The following FREM2 variants were observed in gnomAD, a reference collection of about 807,000 sequenced individuals.
FREM2 encodes the protein FRAS1-related extracellular matrix protein 2.
Under a neutral mutation model 219.9 loss-of-function variants are expected in FREM2, and 119 were observed. The observed-to-expected ratio is 0.54, with a 90% CI of 0.47 to 0.63. FREM2 has a LOEUF of 0.63. Among genes scored for constraint, FREM2 ranks in the 30% least tolerant of loss-of-function variants. The pLI, the probability that FREM2 is intolerant of heterozygous loss-of-function variation, is 0.00. For missense variants in FREM2, 4,030 were observed against 3,993.6 expected (o/e 1.01, Z -0.25); for synonymous variants, 1,562 against 1,522.8 (o/e 1.03, Z -0.60).
intron 23 of FREM2, 96 bp from the exon 24 acceptor site, chr13:38,880,188 A>C (rs935783681): frequency 7.9e-7 from 1 of 1,265,218 alleles, no homozygotes; most frequent in African/African-American, 1.5e-5. Context: ...AAAATCATTT[A>C]TTAATATCTC....
chr13:38,879,490 A>G (rs1878467836), intron 23 of FREM2, among the ~76,000 whole-genome samples: 1 of 152,208 alleles, frequency 6.6e-6, no homozygotes, highest in Non-Finnish European at 1.5e-5. Context: ...GTGGAGGGAA[A>G]CACAGGCAGC....
rs1877380551 is a variant in FREM2, at chr13:38,851,776, G to A, written c.6833G>A (p.Arg2278His). 1.2e-6 allele frequency: 2 copies of A among 1,613,544 alleles called. No homozygotes were observed. The highest frequency in any genetic ancestry group is 1.7e-6 in the Non-Finnish European group (2 of 1,179,612). Residue 2278 changes from arginine (R) to histidine (H), a missense_variant, in exon 11 of 24, where the codon CGC becomes CAC. Physicochemically the swap from Arg to His is conservative, Grantham distance 29. Coordinates refer to ENST00000280481, the MANE Select transcript of FREM2 (RefSeq NM_207361.6). Reference sequence around the variant, plus strand: ...GTGGTTATAAGAATTCCAGTGATTCGCCAAGGAGACACTTCAAAGGTTTCC... The same window carrying A: ...GTGGTTATAAGAATTCCAGTGATTCACCAAGGAGACACTTCAAAGGTTTCC... ...ESVVIRIPVI[R>H]QGDTSKVSIV...
chr13:38,843,913 T>C (rs1359302121), intron 6 of FREM2, among the ~76,000 whole-genome samples: 1 of 151,960 alleles, frequency 6.6e-6, no homozygotes, highest in Non-Finnish European at 1.5e-5. Flanking sequence ...TTATGGAAAC[T>C]ACTGAATGTG....
At chr13:38,858,217 A>T (rs578258930) in intron 13 of FREM2, among the ~76,000 whole-genome samples, 184 bp downstream of exon 13, 1 of 152,228 alleles carries the variant, frequency 6.6e-6, no homozygotes, top group Non-Finnish European at 1.5e-5. Flanking sequence ...TCTTCACCGA[A>T]CAAAGGTTCA....
intron 2 of FREM2, among the ~76,000 whole-genome samples, chr13:38,763,619 A>C (rs1873323418): frequency 6.6e-6 from 1 of 151,932 alleles, no homozygotes; most frequent in African/African-American, 2.4e-5. Context: ...TTTTCCTTTC[A>C]TTTACCCAAC....
chr13:38,699,306 T>A (rs1327013023), intron 2 of FREM2, among the ~76,000 whole-genome samples: 1 of 151,150 alleles, frequency 6.6e-6, no homozygotes, highest in Non-Finnish European at 1.5e-5. Context: ...ATTTTGCTTT[T>A]TTTGCTCATA....
At chr13:38,773,448 T>C (rs1194301589) in intron 4 of FREM2, among the ~76,000 whole-genome samples, 1 of 152,116 alleles carries the variant, frequency 6.6e-6, no homozygotes, top group Non-Finnish European at 1.5e-5. Context: ...TTGAGCGCAG[T>C]GGAGCTATCA....
At chr13:38,692,575 A>G in intron 1 of FREM2, 58 bp downstream of exon 1, 1 of 1,566,128 alleles carries the variant, frequency 6.4e-7, no homozygotes, top group Non-Finnish European at 8.7e-7. Flanking sequence ...TGGCTTCACT[A>G]AAAGCCTCAC....
In FREM2 at chr13:38,883,608, A is replaced by G. The variant is rs1878625672; in HGVS notation, c.*2821A>G. 6.6e-6 allele frequency: 1 copy of G among 152,162 alleles called. No individual in the cohort carries two copies. The highest frequency in any genetic ancestry group is 6.6e-5 in the Admixed American group (1 of 15,266). The allele number at this position is 152,162 out of a possible 1,614,324, so 9.4% of individuals were successfully genotyped here. On this transcript the variant is annotated 3_prime_UTR_variant, in exon 24 of 24. Coordinates refer to ENST00000280481, the MANE Select transcript of FREM2 (RefSeq NM_207361.6). Reference sequence around the variant, plus strand: ...ATTCCCATTTTTGCCCTTAGTTAACATTTACTGGTGCTCACCTAGGATTGG... The same window carrying G: ...ATTCCCATTTTTGCCCTTAGTTAACGTTTACTGGTGCTCACCTAGGATTGG...
chr13:38,821,269 T>A lies in FREM2; in HGVS notation c.6020-25304T>A, dbSNP rs989726184. On this transcript the variant is annotated intron_variant, in intron 6 of 23. Transcript: ENST00000280481. ...TCCTGTGTTGTAAATCTTATACATT[T>A]TTTTTTTGTAATTGGCCTAAAATCT... Among the ~76,000 whole-genome samples the A allele has an allele frequency of 3.3e-5, 5 of 152,102 alleles. No homozygotes were observed. The South Asian group carries it at 1.0e-3, about 31-fold the overall frequency.
intron 13 of FREM2, 84 bp downstream of exon 13, chr13:38,858,117 A>C (rs879078181): frequency 8.4e-7 from 1 of 1,193,800 alleles, no homozygotes; most frequent in Admixed American, 1.7e-5. Flanking sequence ...TGGCTTTGTT[A>C]TGAAGAAATG....
chr13:38,878,954 G>C lies in FREM2; in HGVS notation c.8983G>C (p.Val2995Leu). 6.2e-7 allele frequency: 1 copy of C among 1,614,158 alleles called. No individual in the cohort carries two copies. Among genetic ancestry groups the C allele is most frequent in the Non-Finnish European group, 8.5e-7 (1 of 1,180,002 alleles). ...TCAGCCTGGATCTGATGGATTTAAA[G>C]TCGACTCAACACCACTCTTTCAGGT... Reference protein sequence around the residue: ...VNQPGSDGFKVDSTPLFQVAL... With the variant: ...VNQPGSDGFKLDSTPLFQVAL... Residue 2995 changes from valine to leucine, a missense_variant, in exon 23 of 24, where the codon GTC becomes CTC. Around this residue, in one of 2 missense-constraint regions of FREM2, gnomAD observed 928 missense variants for 1,042.9 expected, o/e 0.89. Coordinates refer to ENST00000280481, the MANE Select transcript of FREM2 (RefSeq NM_207361.6).
At chr13:38,828,334 A>G (rs1024341476) in intron 6 of FREM2, among the ~76,000 whole-genome samples, 1 of 152,170 alleles carries the variant, frequency 6.6e-6, no homozygotes, top group African/African-American at 2.4e-5. Context: ...GTTCAGGTAC[A>G]CTGAAAGTAC....
At chr13:38,864,656 T>C (rs1593452924) in intron 16 of FREM2, 50 bp downstream of exon 16, 1 of 1,521,458 alleles carries the variant, frequency 6.6e-7, no homozygotes, top group East Asian at 2.3e-5. Flanking sequence ...CCAATTGGTT[T>C]GTTTTGTCAC....
At chr13:38,854,071 T>C (rs1225092436) in intron 11 of FREM2, among the ~76,000 whole-genome samples, 1 of 151,440 alleles carries the variant, frequency 6.6e-6, no homozygotes, top group Non-Finnish European at 1.5e-5. Flanking sequence ...TTCTGAAACA[T>C]TTTCTAATTT....
Position 38,764,320 on chromosome 13 carries a change from G to A in FREM2, c.5280G>A (p.Thr1760=), listed in dbSNP as rs139030731. 3.7e-5 allele frequency: 60 copies of A among 1,611,726 alleles called. No individual in the cohort carries two copies. The highest frequency in any genetic ancestry group is 2.3e-4 in the South Asian group (21 of 90,990). The change falls in exon 3 of 24, where the codon ACG becomes ACA. Residue 1760 remains threonine (T), a synonymous_variant. Coordinates refer to ENST00000280481, the MANE Select transcript of FREM2 (RefSeq NM_207361.6). ...ATTTTCAAGGTGGAAACAAGTTAACGTACCAGAATTTTCGTCTGAATTGGG... is the reference window on the plus strand; with the variant it reads ...ATTTTCAAGGTGGAAACAAGTTAACATACCAGAATTTTCGTCTGAATTGGG... ...AVEDGGGNKL[T]YQNFRLNWAW... is the part of the protein sequence containing the mutation.
intron 3 of FREM2, among the ~76,000 whole-genome samples, chr13:38,766,208 T>C (rs960382780): frequency 1.3e-5 from 2 of 152,220 alleles, no homozygotes; most frequent in African/African-American, 2.4e-5. Context: ...TTTTTGCCTT[T>C]TTTTTTCTCC....
chr13:38,852,358 G>T (rs1347760480), intron 11 of FREM2, among the ~76,000 whole-genome samples: 1 of 152,070 alleles, frequency 6.6e-6, no homozygotes, highest in Non-Finnish European at 1.5e-5. Context: ...GACTTACAGG[G>T]TATATGTGTT....
chr13:38,763,148 A>C (rs989869149), intron 2 of FREM2, among the ~76,000 whole-genome samples: 2 of 152,226 alleles, frequency 1.3e-5, no homozygotes, highest in Non-Finnish European at 2.9e-5. Flanking sequence ...GCTTGTGCTA[A>C]TTTGAAAGCC....
Sources: allele counts gnomAD v4.1 joint callset (sites outside exome capture counted in the v4.1 genomes callset), GRCh38; gene constraint gnomAD v4.1.1; regional missense constraint gnomAD v4.1.1; transcripts MANE v1.5; gene names NCBI Gene and HGNC (gene_info 2026-07-23, HGNC 2026-07-21).